PHLDB2: variants seen among roughly 807,000 people sequenced by gnomAD.
PHLDB2 encodes the protein pleckstrin homology-like domain family B member 2.
Under a neutral mutation model 123.6 loss-of-function variants are expected in PHLDB2, and 71 were observed. That is an observed-to-expected ratio of 0.57 (90% CI 0.47 to 0.70). The LOEUF (loss-of-function observed/expected upper bound fraction) is 0.70. Ranked by LOEUF, PHLDB2 falls within the 30% of genes least tolerant of loss-of-function variation. The pLI, the probability that PHLDB2 is intolerant of heterozygous loss-of-function variation, is 0.00. For missense variants in PHLDB2, 1,446 were observed against 1,519.5 expected, an observed-to-expected ratio of 0.95 and a Z score of 0.80; for synonymous variants, 547 against 541.6, an observed-to-expected ratio of 1.01 and a Z score of -0.14.
chr3:111,881,902 A>G (rs2065947690), intron 1 of PHLDB2, among the ~76,000 whole-genome samples: 1 of 151,964 alleles, frequency 6.6e-6, no homozygotes, highest in Admixed American at 6.6e-5. Context: ...ATGTAGTTCA[A>G]TCCTGTGTTG....
At chr3:111,930,701 GT>G (rs2069095539) in intron 5 of PHLDB2, among the ~76,000 whole-genome samples, 1 of 152,156 alleles carries the variant, frequency 6.6e-6, no homozygotes, top group African/African-American at 2.4e-5. Context: ...GGCATCCTTT[GT>G]TCTGTTAATA....
intron 1 of PHLDB2, among the ~76,000 whole-genome samples, chr3:111,810,348 A>G (rs927210577): frequency 1.3e-5 from 2 of 152,108 alleles, no homozygotes; most frequent in Non-Finnish European, 2.9e-5. Flanking sequence ...AACAAATACT[A>G]TAGACTGGGC....
chr3:111,927,142 A>T (rs1478534949), intron 5 of PHLDB2, among the ~76,000 whole-genome samples: 1 of 152,208 alleles, frequency 6.6e-6, no homozygotes, highest in Non-Finnish European at 1.5e-5. Flanking sequence ...ACCTATAAGG[A>T]TGCCTGCCTC....
intron 2 of PHLDB2, among the ~76,000 whole-genome samples, chr3:111,896,290 C>T (rs2066860776): frequency 6.6e-6 from 1 of 152,012 alleles, no homozygotes; most frequent in Non-Finnish European, 1.5e-5. Flanking sequence ...ATTGAGCTAC[C>T]ATTTTAAAAA....
intron 1 of PHLDB2, among the ~76,000 whole-genome samples, chr3:111,864,531 G>GC (rs1474939221): frequency 2.6e-5 from 4 of 152,170 alleles, no homozygotes; most frequent in Non-Finnish European, 5.9e-5. Context: ...CAGAAAAGGA[G>GC]CTTTGTGCTG....
intron 5 of PHLDB2, among the ~76,000 whole-genome samples, chr3:111,930,189 GC>G (rs985456708): frequency 6.6e-5 from 10 of 151,932 alleles, no homozygotes; most frequent in African/African-American, 2.2e-4. Flanking sequence ...GGGATTACAG[GC>G]ATGAAAGATT....
chr3:111,860,654 A>T (rs2064787572), intron 1 of PHLDB2, among the ~76,000 whole-genome samples: 7 of 151,864 alleles, frequency 4.6e-5, no homozygotes, highest in Admixed American at 4.6e-4. Context: ...GCGGTTCCTC[A>T]CTTACCTTTC....
At chr3:111,858,794 C>T (rs542109951), upstream of PHLDB2, among the ~76,000 whole-genome samples, 1 of 152,192 alleles carries the variant, frequency 6.6e-6, no homozygotes, top group South Asian at 2.1e-4. Flanking sequence ...TCTCGAGGGC[C>T]AATGTCCTTC....
intron 1 of PHLDB2, chr3:111,778,222 G>A (rs964184847): frequency 2.0e-5 from 3 of 151,860 alleles, no homozygotes; most frequent in African/African-American, 7.3e-5. Context: ...TTAACATGAG[G>A]TCATTGGGTA....
upstream of PHLDB2, among the ~76,000 whole-genome samples, chr3:111,854,917 G>C (rs780812573): frequency 1.3e-5 from 2 of 152,162 alleles, no homozygotes; most frequent in Non-Finnish European, 2.9e-5. Flanking sequence ...AATTGAAGTC[G>C]ACCCCTTGGG....
intron 2 of PHLDB2, among the ~76,000 whole-genome samples, chr3:111,853,197 A>G (rs955444740): frequency 6.6e-6 from 1 of 152,200 alleles, no homozygotes; most frequent in African/African-American, 2.4e-5. Flanking sequence ...AGAGGAAAGC[A>G]AAGTCTTTAT....
chr3:111,859,963 A>G (rs2064732724), intron 1 of PHLDB2: 1 of 898,486 alleles, frequency 1.1e-6, no homozygotes, highest in Non-Finnish European at 1.3e-6. Flanking sequence ...GGCAGTGCCC[A>G]GGCTGCGCAG....
chr3:111,887,896 G>A (rs1428415337), intron 2 of PHLDB2, among the ~76,000 whole-genome samples: 1 of 152,060 alleles, frequency 6.6e-6, no homozygotes, highest in African/African-American at 2.4e-5. Flanking sequence ...TGTCCACAAG[G>A]TTCTAAAACT....
intron 2 of PHLDB2, among the ~76,000 whole-genome samples, chr3:111,893,545 A>C (rs1332122150): frequency 6.6e-6 from 1 of 152,058 alleles, no homozygotes; most frequent in Non-Finnish European, 1.5e-5. Flanking sequence ...CAGGTACATA[A>C]GTTGATTTAA....
At chr3:111,773,252 TGGAGCAGAA>T (rs911260420) in intron 1 of PHLDB2, among the ~76,000 whole-genome samples, 1 of 152,190 alleles carries the variant, frequency 6.6e-6, no homozygotes, top group African/African-American at 2.4e-5. Context: ...GCTCCAAACC[TGGAGCAGAA>T]GTTCTTGGAG....
rs1436172898 is a variant in PHLDB2, at chr3:111,884,869, G to A, written c.792G>A (p.Glu264=). ...TTCCCAGGTTGTACAGAGCCACAGA[G>A]AACCAGCTGACACCTCTCAGCTTGC... ...RSLPRLYRAT[E]NQLTPLSLPP... Residue 264 remains glutamate, a synonymous_variant, in exon 2 of 18, where the codon GAG becomes GAA. Transcript: ENST00000431670. 2 of 1,614,038 alleles carry A rather than the reference G, an allele frequency of 1.2e-6. No individual in the cohort carries two copies. Among genetic ancestry groups the A allele is most frequent in the African/African-American group, 2.7e-5 (2 of 74,908 alleles).
chr3:111,919,804 A>G (rs964545064), intron 4 of PHLDB2, among the ~76,000 whole-genome samples: 5 of 152,222 alleles, frequency 3.3e-5, no homozygotes, highest in African/African-American at 4.8e-5. Flanking sequence ...GATGATACCA[A>G]TAGGCCCTTA....
intron 1 of PHLDB2, among the ~76,000 whole-genome samples, chr3:111,878,678 G>C (rs1559881633): frequency 6.6e-6 from 1 of 152,146 alleles, no homozygotes; most frequent in Admixed American, 6.5e-5. Flanking sequence ...GTATGATATT[G>C]GCTGTGGGTT....
intron 5 of PHLDB2, among the ~76,000 whole-genome samples, chr3:111,922,906 A>G (rs889403145): frequency 6.6e-6 from 1 of 152,020 alleles, no homozygotes; most frequent in Non-Finnish European, 1.5e-5. Flanking sequence ...CTCCCTTTGG[A>G]TGTGCTCTGG....
Sources: allele counts gnomAD v4.1 joint callset (sites outside exome capture counted in the v4.1 genomes callset), GRCh38; gene constraint gnomAD v4.1.1; transcripts MANE v1.5; gene names NCBI Gene and HGNC (gene_info 2026-07-23, HGNC 2026-07-21).